RYR2: variants seen among roughly 807,000 people sequenced by gnomAD.
The protein encoded by RYR2 is cardiac muscle ryanodine receptor-calcium release channel.
RYR2 carries 227 observed loss-of-function variants against 601.1 expected under a neutral mutation model. That is an observed-to-expected ratio of 0.38 (90% CI 0.34 to 0.42). The LOEUF is 0.42. RYR2 is among the 10% of genes least tolerant of loss of function. RYR2 has a pLI of 1.00. For synonymous variants in RYR2, 2,223 were observed against 2,175.1 expected, an observed-to-expected ratio of 1.02 and a Z score of -0.61; for missense variants, 4,646 against 6,156.5, an observed-to-expected ratio of 0.75 and a Z score of 8.21.
chr1:237,373,172 A>T (rs1263559236), intron 6 of RYR2, among the ~76,000 whole-genome samples: 1 of 152,218 alleles, frequency 6.6e-6, no homozygotes, highest in Non-Finnish European at 1.5e-5. Context: ...GTCTATAAAC[A>T]TAGGGGATTA....
At chr1:237,489,699 A>T (rs759047497) in intron 17 of RYR2, among the ~76,000 whole-genome samples, 6 of 152,222 alleles carry the variant, frequency 3.9e-5, no homozygotes, top group Non-Finnish European at 8.8e-5. Flanking sequence ...AATGTAAATT[A>T]GTTCAGCCAC....
intron 1 of RYR2, among the ~76,000 whole-genome samples, chr1:237,138,177 G>C (rs1371968836): frequency 6.6e-6 from 1 of 152,036 alleles, no homozygotes; most frequent in Admixed American, 6.6e-5. Context: ...AATTGCAGGC[G>C]TGTGCCACCG....
chr1:237,422,776 G>C (rs574424260), intron 11 of RYR2, among the ~76,000 whole-genome samples: 8 of 152,194 alleles, frequency 5.3e-5, no homozygotes, highest in African/African-American at 1.9e-4. Flanking sequence ...TGTATTAGAG[G>C]GTGACTTGGA....
chr1:237,656,080 G>A, intron 53 of RYR2, 96 bp downstream of exon 53: 1 of 1,102,528 alleles, frequency 9.1e-7, no homozygotes, highest in Non-Finnish European at 1.3e-6. Context: ...TCTAATACAT[G>A]CCCCCTTTGA....
Position 237,700,588 on chromosome 1 carries a change from T to G in RYR2, c.9367+121T>G, listed in dbSNP as rs1038079451. On this transcript the variant is annotated intron_variant, in intron 65 of 104. Coordinates refer to ENST00000366574, the MANE Select transcript of RYR2 (RefSeq NM_001035.3). ...CACTGTTTACATGTTAAAATGCCTT[T>G]TTTATTGCAAAACGTTATAGGTTGA... The G allele has an allele frequency of 9.8e-6, 6 of 614,994 alleles. No individual in the cohort carries two copies. In the African/African-American group the frequency reaches 1.1e-4, roughly 11 times the overall value. The allele number at this position is 614,994 out of a possible 1,614,324, so 38.1% of individuals were successfully genotyped here. A position where few individuals can be genotyped will look rare whatever the true frequency, so the allele number is the denominator to read the frequency against.
At chr1:237,274,268 C>A (rs1690034612) in intron 2 of RYR2, among the ~76,000 whole-genome samples, 1 of 150,646 alleles carries the variant, frequency 6.6e-6, no homozygotes, top group Non-Finnish European at 1.5e-5. Context: ...TGCCACATAC[C>A]ACATATATGA....
At chr1:237,704,592 CATT>C (rs1299055424) in intron 66 of RYR2, among the ~76,000 whole-genome samples, 4 of 151,592 alleles carry the variant, frequency 2.6e-5, no homozygotes, top group Non-Finnish European at 5.9e-5. Context: ...TTGTTTTTGT[CATT>C]GTTGTTTTTG....
intron 3 of RYR2, among the ~76,000 whole-genome samples, chr1:237,339,364 T>C (rs776019314): frequency 2.8e-4 from 42 of 152,194 alleles, no homozygotes; most frequent in Admixed American, 3.9e-4. Flanking sequence ...TTAAAAGTAA[T>C]TAGTGTCTAT....
chr1:237,228,062 G>A (rs974069834), intron 1 of RYR2, among the ~76,000 whole-genome samples: 8 of 151,552 alleles, frequency 5.3e-5, no homozygotes, highest in African/African-American at 1.9e-4. Context: ...TGAGATTTTG[G>A]TACACCCATC....
At chr1:237,349,396 A>G (rs1483403910) in intron 3 of RYR2, among the ~76,000 whole-genome samples, 2 of 152,188 alleles carry the variant, frequency 1.3e-5, no homozygotes, top group Admixed American at 6.5e-5. Context: ...TTCCAGACGC[A>G]TACAAATTGA....
intron 61 of RYR2, among the ~76,000 whole-genome samples, chr1:237,680,247 G>A (rs1217860137): frequency 6.6e-6 from 1 of 152,128 alleles, no homozygotes; most frequent in Non-Finnish European, 1.5e-5. Context: ...ACTGTTGCAA[G>A]TTTGCTCTGT....
At chr1:237,636,613 GC>G (rs1680900262) in intron 44 of RYR2, among the ~76,000 whole-genome samples, 1 of 152,164 alleles carries the variant, frequency 6.6e-6, no homozygotes, top group Non-Finnish European at 1.5e-5. Flanking sequence ...AAGCAGTTTG[GC>G]AGTTCCTTAA....
chr1:237,685,713 A>G (rs1420569363), intron 62 of RYR2, among the ~76,000 whole-genome samples: 1 of 152,232 alleles, frequency 6.6e-6, no homozygotes, highest in Non-Finnish European at 1.5e-5. Flanking sequence ...TCAGTAGATA[A>G]GGGCACGTGG....
At chr1:237,729,095 C>A (rs1003775788) in intron 76 of RYR2, among the ~76,000 whole-genome samples, 1 of 152,138 alleles carries the variant, frequency 6.6e-6, no homozygotes, top group African/African-American at 2.4e-5. Flanking sequence ...CTCTTCAAGT[C>A]GCTTGTTCCT....
chr1:237,267,793 G>A (rs913756118), intron 1 of RYR2, among the ~76,000 whole-genome samples: 7 of 152,294 alleles, frequency 4.6e-5, no homozygotes, highest in African/African-American at 1.4e-4. Flanking sequence ...TGAGTCTCTA[G>A]AAGCAGTGTG....
intron 4 of RYR2, 97 bp downstream of exon 4, chr1:237,356,082 A>G: frequency 9.3e-7 from 1 of 1,071,330 alleles, no homozygotes; most frequent in Non-Finnish European, 1.4e-6. Flanking sequence ...TGTGGCTTGT[A>G]CTATTAGTGT....
Position 237,830,674 on chromosome 1 carries a change from C to CG in RYR2, c.14756+44_14756+45insG, listed in dbSNP as rs1416770240. ...GAATCTTCCACCTCTCCAGTAGACG[C>CG]CACTGGTCCCTGCCCATCTCAGAAT... On this transcript the variant is annotated intron_variant, in intron 103 of 104. Transcript: ENST00000366574. The CG allele has an allele frequency of 3.2e-6, 3 of 930,748 alleles. No individual in the cohort carries two copies. The African/African-American group carries it at 4.9e-5, about 15-fold the overall frequency. The allele number at this position is 930,748 out of a possible 1,614,324, so 57.7% of individuals were successfully genotyped here. A position where few individuals can be genotyped will look rare whatever the true frequency, so the allele number is the denominator to read the frequency against.
intron 24 of RYR2, among the ~76,000 whole-genome samples, chr1:237,516,452 A>C (rs1423959943): frequency 6.6e-6 from 1 of 152,042 alleles, no homozygotes; most frequent in Non-Finnish European, 1.5e-5. Context: ...GTGAATCTTT[A>C]TGTTCAGTCC....
At chr1:237,064,118 T>A (rs1407910757) in intron 1 of RYR2, among the ~76,000 whole-genome samples, 1 of 152,216 alleles carries the variant, frequency 6.6e-6, no homozygotes, top group Non-Finnish European at 1.5e-5. Flanking sequence ...GGGATTCCGA[T>A]GATAGATATT....
Sources: allele counts gnomAD v4.1 joint callset (sites outside exome capture counted in the v4.1 genomes callset), GRCh38; gene constraint gnomAD v4.1.1; transcripts MANE v1.5; gene names NCBI Gene and HGNC (gene_info 2026-07-23, HGNC 2026-07-21).